Variants in CNOT9 observed in about 807,000 individuals in gnomAD.
CNOT9 encodes the protein RCD1 required for cell differentiation1 homolog.
In CNOT9, 8 loss-of-function variants were observed where a neutral mutation model predicts 37.4. The ratio of observed to expected loss-of-function variants is 0.21; its 90% CI spans 0.13 to 0.39. The LOEUF (loss-of-function observed/expected upper bound fraction) is 0.39, where lower values mean the gene tolerates loss of function less well. CNOT9 is among the 10% of genes least tolerant of loss of function. The pLI is 1.00. For synonymous variants in CNOT9, 120 were observed against 137.6 expected, an observed-to-expected ratio of 0.87 and a Z score of 0.90; for missense variants, 154 against 365.3, an observed-to-expected ratio of 0.42 and a Z score of 4.71.
At chr2:218,582,706 C>G (rs951096919) in intron 2 of CNOT9, among the ~76,000 whole-genome samples, 2 of 151,698 alleles carry the variant, frequency 1.3e-5, no homozygotes, top group Non-Finnish European at 2.9e-5. Context: ...AAAAATCTTC[C>G]TAGAGACAAA....
intron 1 of CNOT9, among the ~76,000 whole-genome samples, chr2:218,577,514 G>T (rs1247214610): frequency 6.6e-6 from 1 of 152,186 alleles, no homozygotes; most frequent in Non-Finnish European, 1.5e-5. Flanking sequence ...TCACAAATTG[G>T]AGTATTGCTA....
chr2:218,587,737 A>C (rs372325458), intron 5 of CNOT9, 42 bp downstream of exon 5: 44 of 1,072,954 alleles, frequency 4.1e-5, no homozygotes, highest in Non-Finnish European at 5.9e-5. Flanking sequence ...GTTGACTCTT[A>C]AGCTGCTTCC....
chr2:218,580,682 T>C lies in CNOT9; in HGVS notation c.146T>C (p.Val49Ala). 2 of 1,614,212 alleles carry C rather than the reference T, an allele frequency of 1.2e-6. No individual in the cohort carries two copies. The highest frequency in any genetic ancestry group is 8.5e-7 in the Non-Finnish European group (1 of 1,180,018). ...LLELSKKRES[V>A]PDLAPMLWHS... ...GAGCTAAGTAAGAAGCGAGAATCTG[T>C]TCCTGACCTTGCACCCATGCTGTGG... The change falls in exon 2 of 8, where the codon GTT (valine) becomes GCT (alanine). Residue 49 changes from valine (V) to alanine (A), a missense_variant. This residue lies in a region of CNOT9 where 117 missense variants were observed against 325.4 expected (regional missense o/e 0.36). Transcript: ENST00000273064.
intron 1 of CNOT9, among the ~76,000 whole-genome samples, chr2:218,569,522 A>G (rs1693883744): frequency 6.6e-6 from 1 of 152,214 alleles, no homozygotes; most frequent in African/African-American, 2.4e-5. Context: ...ATCTTTTAAC[A>G]AAAAAGAAAG....
At position 218,592,547 on chromosome 2, in the gene CNOT9, A is replaced by G; in HGVS notation, c.640-69A>G. ...TGATTCTTGGACTATCTGATCTCTG[A>G]TGTCAATTAGAATTTGTTTGTGTTT... is the stretch of plus-strand genomic sequence containing the variant. On this transcript the variant is annotated intron_variant, in intron 6 of 7. Coordinates refer to ENST00000273064, the MANE Select transcript of CNOT9 (RefSeq NM_005444.3). The surrounding 1 kb of genome is among the most constrained non-coding windows in gnomAD (Gnocchi z 4.1). 6.5e-7 allele frequency: 1 copy of G among 1,536,142 alleles called. No individual in the cohort carries two copies. Among genetic ancestry groups the G allele is most frequent in the African/African-American group, 1.4e-5 (1 of 73,452 alleles).
Position 218,595,836 on chromosome 2 carries a change from T to C in CNOT9, c.*1560T>C, listed in dbSNP as rs1694914585. 1 of 151,904 alleles carries C rather than the reference T, an allele frequency of 6.6e-6. No individual in the cohort carries two copies. The highest frequency in any genetic ancestry group is 6.6e-5 in the Admixed American group (1 of 15,256). 9.4% of individuals were successfully genotyped at this position (151,904 alleles called of 1,614,324 possible). A position where few individuals can be genotyped will look rare whatever the true frequency, so the allele number is the denominator to read the frequency against. ...ACTTTCACAAAGAGAGCCGGACTTGTTAGTTGGCTTCTGTCTCTTTAGAGC... is the reference window on the plus strand; with the variant it reads ...ACTTTCACAAAGAGAGCCGGACTTGCTAGTTGGCTTCTGTCTCTTTAGAGC... On this transcript the variant is annotated 3_prime_UTR_variant, in exon 8 of 8. Coordinates refer to ENST00000273064, the MANE Select transcript of CNOT9 (RefSeq NM_005444.3).
At chr2:218,569,643 G>A (rs573812079) in intron 1 of CNOT9, among the ~76,000 whole-genome samples, 2 of 152,220 alleles carry the variant, frequency 1.3e-5, no homozygotes, top group African/African-American at 2.4e-5. Flanking sequence ...CTTAACCCAC[G>A]TTTATAATCT....
chr2:218,573,320 A>T (rs945109113), intron 1 of CNOT9, among the ~76,000 whole-genome samples: 2 of 17,770 alleles, frequency 1.1e-4, no homozygotes, highest in Admixed American at 5.2e-4. Flanking sequence ...CTCCATCTTA[A>T]AAAAAAAAAA....
chr2:218,575,424 A>AGCTCAGGCTGGAGTACAGTG (rs564286736), intron 1 of CNOT9, among the ~76,000 whole-genome samples: 10 of 118,596 alleles, frequency 8.4e-5, no homozygotes, highest in Admixed American at 3.4e-4. Flanking sequence ...CTTGCTCTGT[A>AGCTCAGGCTGGAGTACAGTG]GCTCAGGCTG....
Position 218,593,577 on chromosome 2 carries a change from G to A in CNOT9, c.732-531G>A, listed in dbSNP as rs746352770. 1.7e-4 allele frequency: 250 copies of A among 1,498,228 alleles called. No individual in the cohort carries two copies. The Middle Eastern group carries it at 4.1e-3, about 25-fold the overall frequency. The allele number at this position is 1,498,228 out of a possible 1,614,324, so 92.8% of individuals were successfully genotyped here. Reference sequence around the variant, plus strand: ...GTCATCTTTTCAAAGAAAATGAAACGTTTAAAAGTTCATCTGATAATACTG... The same window carrying A: ...GTCATCTTTTCAAAGAAAATGAAACATTTAAAAGTTCATCTGATAATACTG... On this transcript the variant is annotated intron_variant, in intron 7 of 7. Coordinates refer to ENST00000273064, the MANE Select transcript of CNOT9 (RefSeq NM_005444.3).
intron 1 of CNOT9, among the ~76,000 whole-genome samples, chr2:218,577,907 AAGAGACTGGG>A (rs1394845906): frequency 6.6e-6 from 1 of 152,240 alleles, no homozygotes; most frequent in Non-Finnish European, 1.5e-5. Flanking sequence ...GGGGTCATCC[AAGAGACTGGG>A]CAGGAAACCT....
At chr2:218,574,584 A>G (rs1694106354) in intron 1 of CNOT9, among the ~76,000 whole-genome samples, 2 of 152,230 alleles carry the variant, frequency 1.3e-5, no homozygotes, top group Non-Finnish European at 1.5e-5. Context: ...TTTCAGTCTC[A>G]TTCTGCTGTA....
At chr2:218,577,919 A>C (rs1694228182) in intron 1 of CNOT9, among the ~76,000 whole-genome samples, 1 of 152,360 alleles carries the variant, frequency 6.6e-6, no homozygotes, top group Non-Finnish European at 1.5e-5. Flanking sequence ...GAGACTGGGC[A>C]GGAAACCTAA....
At chr2:218,579,875 A>G (rs1006261456) in intron 1 of CNOT9, among the ~76,000 whole-genome samples, 10 of 150,188 alleles carry the variant, frequency 6.7e-5, no homozygotes, top group East Asian at 3.9e-4. Context: ...CTGGAGTGCA[A>G]TGGTGCAATC....
chr2:218,580,440 T>G (rs1694336540), intron 1 of CNOT9, 121 bp from the exon 2 acceptor site: 1 of 724,686 alleles, frequency 1.4e-6, no homozygotes, highest in Admixed American at 3.1e-5. Context: ...ATCAAATGTA[T>G]GTATTTAGAA....
At position 218,579,818 on chromosome 2, in the gene CNOT9, A is replaced by G. The variant is rs137855600; in HGVS notation, c.25-743A>G. Among the ~76,000 whole-genome samples the G allele has an allele frequency of 6.1e-3, 911 of 149,562 alleles. 7 individuals carry two copies. Among genetic ancestry groups the G allele is most frequent in the East Asian group, 0.016 (80 of 5,008 alleles). On this transcript the variant is annotated intron_variant, in intron 1 of 7. Transcript: ENST00000273064. ...TCTGCATTTATTTATTTATTTATTT[A>G]TTTGTTTGTTTGTTTATTGAGACAG...
chr2:218,580,297 G>A (rs893442011), intron 1 of CNOT9, among the ~76,000 whole-genome samples: 17 of 152,116 alleles, frequency 1.1e-4, no homozygotes, highest in Non-Finnish European at 1.9e-4. Flanking sequence ...CAGTGCAACA[G>A]TAAACATCCT....
Position 218,580,699 on chromosome 2 carries a change from A to G in CNOT9, c.163A>G (p.Met55Val), listed in dbSNP as rs1433395376. ...KRESVPDLAP[M>V]LWHSFGTIAA... The stretch of plus-strand genomic sequence containing the variant: ...AGAATCTGTTCCTGACCTTGCACCC[A>G]TGCTGTGGCATTCATTTGGTACTAT... The change falls in exon 2 of 8, where the codon ATG (methionine) becomes GTG (valine). Residue 55 changes from methionine (M) to valine (V), a missense_variant. Coordinates refer to ENST00000273064, the MANE Select transcript of CNOT9 (RefSeq NM_005444.3). 1.9e-6 allele frequency: 3 copies of G among 1,614,122 alleles called. No individual in the cohort carries two copies. The highest frequency in any genetic ancestry group is 1.1e-5 in the South Asian group (1 of 91,078).
At chr2:218,576,207 G>T (rs144415072) in intron 1 of CNOT9, among the ~76,000 whole-genome samples, 141 of 152,322 alleles carry the variant, frequency 9.3e-4, no homozygotes, top group African/African-American at 3.2e-3. Context: ...TTGGGATATG[G>T]AAGGAGAGTA....
Sources: allele counts gnomAD v4.1 joint callset (sites outside exome capture counted in the v4.1 genomes callset), GRCh38; gene constraint gnomAD v4.1.1; regional missense constraint gnomAD v4.1.1; non-coding constraint Gnocchi (gnomAD v3.1); transcripts MANE v1.5; gene names NCBI Gene and HGNC (gene_info 2026-07-23, HGNC 2026-07-21).